The following ACHE variants were observed in gnomAD, a reference collection of about 807,000 sequenced individuals.
The protein encoded by ACHE is acetylcholinesterase (Yt blood group).
ACHE carries 19 observed loss-of-function variants against 53.9 expected under a neutral mutation model. The ratio of observed to expected loss-of-function variants is 0.35; its 90% CI spans 0.25 to 0.52. The LOEUF is 0.52. Among genes scored for constraint, ACHE ranks in the 20% least tolerant of loss-of-function variants. ACHE has a pLI of 0.95. For missense variants in ACHE, 605 were observed against 849.4 expected, an observed-to-expected ratio of 0.71 and a Z score of 3.58; for synonymous variants, 392 against 378.1, an observed-to-expected ratio of 1.04 and a Z score of -0.43.
chr7:100,890,469 G>T, intron 4 of ACHE, 134 bp from the exon 5 acceptor site: 1 of 1,469,366 alleles, frequency 6.8e-7, no homozygotes, highest in Non-Finnish European at 9.0e-7. Flanking sequence ...GACCACGTGG[G>T]ACGGTGGCAA....
Position 100,889,997 on chromosome 7 carries a change from C to T in ACHE, c.*217G>A, listed in dbSNP as rs1240858498. ...TCCCTAGTCGCGCACACTCCCGTGG[C>T]TGTAACAGTTTATTGGCAGCCCAGA... On this transcript the variant is annotated 3_prime_UTR_variant, in exon 5 of 5. Transcript: ENST00000241069. 5.7e-6 allele frequency: 3 copies of T among 527,374 alleles called. No individual in the cohort carries two copies. The highest frequency in any genetic ancestry group is 1.0e-5 in the Non-Finnish European group (3 of 297,150). 32.7% of individuals were successfully genotyped at this position (527,374 alleles called of 1,614,324 possible). A position where few individuals can be genotyped will look rare whatever the true frequency, so the allele number is the denominator to read the frequency against.
intron 2 of ACHE, 76 bp downstream of exon 2, chr7:100,893,089 C>T: frequency 6.8e-7 from 1 of 1,472,552 alleles, no homozygotes; most frequent in Non-Finnish European, 9.3e-7. Flanking sequence ...AGCCCTCATG[C>T]CTGGGTCCCT....
At chr7:100,895,000 C>A (rs1028205535) in intron 1 of ACHE, among the ~76,000 whole-genome samples, 11 of 152,128 alleles carry the variant, frequency 7.2e-5, no homozygotes, top group African/African-American at 2.2e-4. Context: ...CGGCGCTCCC[C>A]GCCCCGAGCC....
Position 100,892,284 on chromosome 7 carries a change from C to T in ACHE, c.1553+50G>A, listed in dbSNP as rs749124873. The T allele has an allele frequency of 1.0e-5, 15 of 1,473,718 alleles. No homozygotes were observed. The highest frequency in any genetic ancestry group is 4.6e-5 in the South Asian group (3 of 65,710). The allele number at this position is 1,473,718 out of a possible 1,614,324, so 91.3% of individuals were successfully genotyped here. A position where few individuals can be genotyped will look rare whatever the true frequency, so the allele number is the denominator to read the frequency against. ...GTGTGTCTGCCTTTGTGTGTCCTCC[C>T]GCCCCCGACTCCTGTCCTCCCCAGC... On this transcript the variant is annotated intron_variant, in intron 3 of 4. Coordinates refer to ENST00000241069, the MANE Select transcript of ACHE (RefSeq NM_000665.5). The surrounding 1 kb of genome is among the most constrained non-coding windows in gnomAD (Gnocchi z 5.2).
At chr7:100,893,122 G>A in intron 2 of ACHE, 43 bp downstream of exon 2, 1 of 1,591,186 alleles carries the variant, frequency 6.3e-7, no homozygotes, top group South Asian at 1.1e-5. Context: ...GGGACCGTTG[G>A]GACCCAGAGG....
rs1258240248 is a variant in ACHE at position 100,894,150 on chromosome 7, C to T, written c.83G>A (p.Gly28Glu). The change falls in exon 2 of 5, where the codon GGA (glycine) becomes GAA (glutamate). Residue 28 changes from glycine to glutamate, a missense_variant. Around this residue, in one of 4 missense-constraint regions of ACHE, gnomAD observed 89 missense variants for 78.9 expected, o/e 1.13. Coordinates refer to ENST00000241069, the MANE Select transcript of ACHE (RefSeq NM_000665.5). ...LLLLLWLLGG[G>E]VGAEGREDAE... ...ATCCTCCCGGCCCTCAGCCCCCACT[C>T]CTCCACCCAGGAGCCAGAGGAGGAG... The T allele has an allele frequency of 4.0e-6, 6 of 1,487,240 alleles. No individual in the cohort carries two copies. In the Admixed American group the frequency reaches 1.2e-4, roughly 29 times the overall value. 92.1% of individuals were successfully genotyped at this position (1,487,240 alleles called of 1,614,324 possible). A position where few individuals can be genotyped will look rare whatever the true frequency, so the allele number is the denominator to read the frequency against.
chr7:100,893,191 T>C lies in ACHE; in HGVS notation c.1042A>G (p.Asn348Asp), dbSNP rs748496124. The C allele has an allele frequency of 6.2e-7, 1 of 1,613,982 alleles. No homozygotes were observed. The highest frequency in any genetic ancestry group is 8.5e-7 in the Non-Finnish European group (1 of 1,179,996). Residue 348 changes from asparagine to aspartate, a missense_variant, in exon 2 of 5, where the codon AAC (asparagine) becomes GAC (aspartate). Around this residue, in one of 4 missense-constraint regions of ACHE, gnomAD observed 397 missense variants for 632.5 expected, o/e 0.63. Coordinates refer to ENST00000241069, the MANE Select transcript of ACHE (RefSeq NM_000665.5). ...TGCAGGCCGTGGAAGTCTCCCGCGT[T>C]GATGAGGGCCTCTGGGGTGTCACTG... ...FLSDTPEALINAGDFHGLQVL... is the reference protein window; with the variant it reads ...FLSDTPEALIDAGDFHGLQVL...
Position 100,893,747 on chromosome 7 carries a change from G to A in ACHE, c.486C>T (p.Asp162=), listed in dbSNP as rs775092798. The part of the protein sequence containing the change: ...GGFYSGASSL[D]VYDGRFLVQA... ...GTACCAAGAAGCGGCCATCGTACAC[G>A]TCCAAGGAGGAGGCCCCACTGTAGA... The change falls in exon 2 of 5, where the codon GAC becomes GAT. Residue 162 remains aspartate, a synonymous_variant. Transcript: ENST00000241069. 8.1e-6 allele frequency: 13 copies of A among 1,613,694 alleles called. No individual in the cohort carries two copies. The highest frequency in any genetic ancestry group is 2.2e-5 in the East Asian group (1 of 44,880).
At chr7:100,890,629 G>C in intron 4 of ACHE, 1 of 1,384,962 alleles carries the variant, frequency 7.2e-7, no homozygotes, top group Non-Finnish European at 9.3e-7. Flanking sequence ...GGAAAAAGAA[G>C]AGACAGAAAT....
Position 100,892,638 on chromosome 7 carries a change from G to A in ACHE, c.1249C>T (p.Leu417=). 6.2e-7 allele frequency: 1 copy of A among 1,613,468 alleles called. No individual in the cohort carries two copies. Among genetic ancestry groups the A allele is most frequent in the Non-Finnish European group, 8.5e-7 (1 of 1,179,932 alleles). Residue 417 remains leucine, a synonymous_variant, in exon 3 of 5, where the codon CTG becomes TTG. Coordinates refer to ENST00000241069, the MANE Select transcript of ACHE (RefSeq NM_000665.5). The surrounding 1 kb of genome is among the most constrained non-coding windows in gnomAD (Gnocchi z 5.2). Reference sequence around the variant, plus strand: ...AGGCGTGCCGGGTCCTCGGGATGCAGCCAGTCTGTGTAATGCAGGACCACA... The same window carrying A: ...AGGCGTGCCGGGTCCTCGGGATGCAACCAGTCTGTGTAATGCAGGACCACA... ...EAVVLHYTDW[L]HPEDPARLRE... is the part of the protein sequence containing the mutation.
chr7:100,891,488 G>C lies in ACHE; in HGVS notation c.1554-150C>G. Reference sequence around the variant, plus strand: ...ACTTTCTCCAATGTGCGCGGTCATTGGGGTCTTCCCTTCCTCAAGCGCTCC... The same window carrying C: ...ACTTTCTCCAATGTGCGCGGTCATTCGGGTCTTCCCTTCCTCAAGCGCTCC... On this transcript the variant is annotated intron_variant, in intron 3 of 4. Transcript: ENST00000241069. 5 of 723,398 alleles carry C rather than the reference G, an allele frequency of 6.9e-6. No homozygotes were observed. The South Asian group carries it at 1.0e-4, about 15-fold the overall frequency. 44.8% of individuals were successfully genotyped at this position (723,398 alleles called of 1,614,324 possible). A position where few individuals can be genotyped will look rare whatever the true frequency, so the allele number is the denominator to read the frequency against.
chr7:100,890,282 A>C lies in ACHE; in HGVS notation c.1777T>G (p.Ser593Ala), dbSNP rs769119012. 3.7e-6 allele frequency: 6 copies of C among 1,611,492 alleles called. No homozygotes were observed. In the East Asian group the frequency reaches 1.3e-4, roughly 36 times the overall value. The part of the protein sequence containing the change: ...QWKAEFHRWS[S>A]YMVHWKNQFD... ...TGGTTCTTCCAGTGCACCATGTAGG[A>C]GCTCCAGCGGTGGAACTCGGCCTTC... The change falls in exon 5 of 5, where the codon TCC becomes GCC. Residue 593 changes from serine (S) to alanine (A), a missense_variant. Transcript: ENST00000241069.
Position 100,892,291 on chromosome 7 carries a change from G to T in ACHE, c.1553+43C>A. The T allele has an allele frequency of 2.0e-6, 3 of 1,465,884 alleles. No individual in the cohort carries two copies. Among genetic ancestry groups the T allele is most frequent in the Non-Finnish European group, 2.7e-6 (3 of 1,103,530 alleles). 90.8% of individuals were successfully genotyped at this position (1,465,884 alleles called of 1,614,324 possible). ...TGCCTTTGTGTGTCCTCCCGCCCCC[G>T]ACTCCTGTCCTCCCCAGCCTTCTCT... On this transcript the variant is annotated intron_variant, in intron 3 of 4. Transcript: ENST00000241069. This position sits in a 1 kb window ranked among gnomAD's most constrained non-coding sequence, Gnocchi z 5.2.
At chr7:100,890,755 A>G in intron 4 of ACHE, 1 of 1,338,880 alleles carries the variant, frequency 7.5e-7, no homozygotes, top group Non-Finnish European at 9.6e-7. Context: ...TGGCTTTTCC[A>G]TTTCCATTCA....
At chr7:100,895,555 G>A (rs1006294259) in intron 1 of ACHE, among the ~76,000 whole-genome samples, 1 of 152,178 alleles carries the variant, frequency 6.6e-6, no homozygotes, top group African/African-American at 2.4e-5. Context: ...GGTGCTCGGG[G>A]GTCCCCGCGG....
intron 1 of ACHE, among the ~76,000 whole-genome samples, chr7:100,895,268 T>G (rs1790978695): frequency 6.6e-6 from 1 of 152,104 alleles, no homozygotes; most frequent in South Asian, 2.1e-4. Context: ...GGGGTGGTGG[T>G]GCTGCTGGAG....
chr7:100,892,548 C>T lies in ACHE; in HGVS notation c.1339G>A (p.Gly447Arg), dbSNP rs914753658. 1.2e-6 allele frequency: 2 copies of T among 1,610,894 alleles called. No individual in the cohort carries two copies. Among genetic ancestry groups the T allele is most frequent in the Non-Finnish European group, 1.7e-6 (2 of 1,177,840 alleles). ...NVVCPVAQLA[G>R]RLAAQGARVY... is the part of the protein sequence containing the mutation. ...CGGGCACCCTGGGCAGCCAGTCGCC[C>T]AGCCAGCTGGGCCACGGGGCACACG... The change falls in exon 3 of 5, where the codon GGG (glycine) becomes AGG (arginine). Residue 447 changes from glycine to arginine, a missense_variant. Coordinates refer to ENST00000241069, the MANE Select transcript of ACHE (RefSeq NM_000665.5). The surrounding 1 kb of genome is among the most constrained non-coding windows in gnomAD (Gnocchi z 5.2).
chr7:100,890,618 G>A lies in ACHE; in HGVS notation c.1724-283C>T, dbSNP rs942322999. On this transcript the variant is annotated intron_variant, in intron 4 of 4. Transcript: ENST00000241069. ...AGAGGGGACAGGAGGGGGAGGTTGG[G>A]GGAAAAAGAAGAGACAGAAATGGTT... 5 of 1,377,470 alleles carry A rather than the reference G, an allele frequency of 3.6e-6. No individual in the cohort carries two copies. In the African/African-American group the frequency reaches 5.8e-5, roughly 16 times the overall value. The allele number at this position is 1,377,470 out of a possible 1,614,324, so 85.3% of individuals were successfully genotyped here. A position where few individuals can be genotyped will look rare whatever the true frequency, so the allele number is the denominator to read the frequency against.
At chr7:100,891,121 G>C (rs763940469) in intron 4 of ACHE, 48 bp downstream of exon 4, 13 of 1,563,458 alleles carry the variant, frequency 8.3e-6, no homozygotes, top group African/African-American at 2.7e-5. Flanking sequence ...ACACCTGGCG[G>C]GCTCCCACTC....
Sources: gnomAD v4.1 joint callset for allele counts (sites outside exome capture counted in the v4.1 genomes callset) on GRCh38, gnomAD v4.1.1 for gene constraint, gnomAD v4.1.1 regional missense constraint, Gnocchi (gnomAD v3.1) non-coding constraint, MANE v1.5 for transcripts, NCBI Gene and HGNC (gene_info 2026-07-23, HGNC 2026-07-21) for gene names.